The following CNTLN variants were observed in gnomAD, a reference collection of about 807,000 sequenced individuals.
The protein encoded by CNTLN is centlein, also known as centlein, centrosomal protein.
Under a neutral mutation model 180.0 loss-of-function variants are expected in CNTLN, and 212 were observed. That is an observed-to-expected ratio of 1.18 (90% CI 1.05 to 1.32). CNTLN has a LOEUF of 1.32. Among genes scored for constraint, CNTLN ranks in the 40% most tolerant of loss-of-function variants. The probability of loss-of-function intolerance (pLI) is 0.00; values close to 1 mark genes in which losing one functional copy is unlikely to be tolerated. For synonymous variants in CNTLN, 722 were observed against 563.1 expected, an observed-to-expected ratio of 1.28 and a Z score of -3.99; for missense variants, 2,095 against 1,610.9, an observed-to-expected ratio of 1.30 and a Z score of -5.14.
chr9:17,271,597 T>G (rs1827950205), intron 5 of CNTLN, among the ~76,000 whole-genome samples: 1 of 152,204 alleles, frequency 6.6e-6, no homozygotes, highest in African/African-American at 2.4e-5. Flanking sequence ...GGATTTCTGT[T>G]TTCAGCCTAT....
At chr9:17,462,614 C>G (rs543148410) in intron 19 of CNTLN, among the ~76,000 whole-genome samples, 1 of 151,662 alleles carries the variant, frequency 6.6e-6, no homozygotes, top group Admixed American at 6.6e-5. Flanking sequence ...CTTAATTATT[C>G]ACATATTTAC....
At chr9:17,396,568 T>A (rs1339847025) in intron 15 of CNTLN, among the ~76,000 whole-genome samples, 3 of 152,192 alleles carry the variant, frequency 2.0e-5, no homozygotes, top group African/African-American at 7.2e-5. Flanking sequence ...TGTTTTAGAT[T>A]TGGGATGCCT....
At position 17,415,845 on chromosome 9, in the gene CNTLN, A is replaced by T. The variant is rs747313809; in HGVS notation, c.2854A>T (p.Met952Leu). The T allele has an allele frequency of 8.7e-6, 14 of 1,612,970 alleles. No individual in the cohort carries two copies. The Admixed American group carries it at 2.0e-4, about 23-fold the overall frequency. ...KPTFQKKNCK[M>L]QKSSHTAVPT... Reference sequence around the variant, plus strand: ...AACTTTTCAAAAGAAGAATTGCAAGATGCAAAAGAGTTCACATACAGCAGT... The same window carrying T: ...AACTTTTCAAAAGAAGAATTGCAAGTTGCAAAAGAGTTCACATACAGCAGT... The change falls in exon 17 of 26, where the codon ATG becomes TTG. Residue 952 changes from methionine to leucine, a missense_variant. Coordinates refer to ENST00000380647, the MANE Select transcript of CNTLN (RefSeq NM_017738.4).
At chr9:17,449,867 C>T (rs1045990037) in intron 18 of CNTLN, among the ~76,000 whole-genome samples, 1 of 152,138 alleles carries the variant, frequency 6.6e-6, no homozygotes, top group East Asian at 1.9e-4. Flanking sequence ...ATTAAAAGTA[C>T]TTGTTAAATG....
intron 6 of CNTLN, among the ~76,000 whole-genome samples, chr9:17,277,078 T>G (rs1284865063): frequency 1.3e-5 from 1 of 75,630 alleles, no homozygotes; most frequent in Non-Finnish European, 2.8e-5. Flanking sequence ...ATGGAGCTAC[T>G]GTTTCTGTAT....
At chr9:17,250,918 T>C (rs7046327) in intron 5 of CNTLN, among the ~76,000 whole-genome samples, 31,232 of 152,036 alleles carry the variant, frequency 0.21, 4,081 homozygotes, top group African/African-American at 0.36. Flanking sequence ...GATTCCATTT[T>C]GCATTTCTTG....
chr9:17,496,427 C>T (rs2383030), intron 25 of CNTLN, among the ~76,000 whole-genome samples: 7,655 of 152,160 alleles, frequency 0.05, 478 homozygotes, highest in African/African-American at 0.15. Flanking sequence ...AGCAAGGGAG[C>T]GAGTAAGCTC....
At chr9:17,210,208 C>T (rs999804408) in intron 2 of CNTLN, among the ~76,000 whole-genome samples, 2 of 152,196 alleles carry the variant, frequency 1.3e-5, no homozygotes, top group Middle Eastern at 3.4e-3. Context: ...TGCTATTCCT[C>T]CCCGCTCCCC....
chr9:17,444,726 A>T (rs957508810), intron 18 of CNTLN, among the ~76,000 whole-genome samples: 1 of 152,166 alleles, frequency 6.6e-6, no homozygotes, highest in African/African-American at 2.4e-5. Context: ...TCAGGTATTT[A>T]TTTGACTTTA....
intron 2 of CNTLN, among the ~76,000 whole-genome samples, chr9:17,208,698 T>C (rs766746994): frequency 3.9e-5 from 6 of 152,138 alleles, no homozygotes; most frequent in Non-Finnish European, 7.4e-5. Context: ...TTTTGGTAGG[T>C]TGTATGTGTC....
At chr9:17,299,903 GT>G in intron 7 of CNTLN, 2 of 498,778 alleles carry the variant, frequency 4.0e-6, no homozygotes, top group Non-Finnish European at 5.2e-6. Flanking sequence ...TCTTCCTTCA[GT>G]TTTTAGCTGT....
Position 17,415,849 on chromosome 9 carries a change from A to C in CNTLN, c.2858A>C (p.Gln953Pro), listed in dbSNP as rs41268971. ...PTFQKKNCKM[Q>P]KSSHTAVPTR... ...TTTCAAAAGAAGAATTGCAAGATGC[A>C]AAAGAGTTCACATACAGCAGTTCCT... is the stretch of plus-strand genomic sequence containing the variant. The change falls in exon 17 of 26, where the codon CAA (glutamine) becomes CCA (proline). Residue 953 changes from glutamine to proline, a missense_variant. Coordinates refer to ENST00000380647, the MANE Select transcript of CNTLN (RefSeq NM_017738.4). The C allele has an allele frequency of 6.2e-7, 1 of 1,612,924 alleles. No individual in the cohort carries two copies. The highest frequency in any genetic ancestry group is 8.5e-7 in the Non-Finnish European group (1 of 1,179,392).
chr9:17,483,128 G>A (rs960858200), intron 23 of CNTLN, among the ~76,000 whole-genome samples: 1 of 151,950 alleles, frequency 6.6e-6, no homozygotes, highest in South Asian at 2.1e-4. Context: ...TATACAATAG[G>A]CAAATATAAT....
At chr9:17,236,339 T>C in intron 4 of CNTLN, 70 bp from the exon 5 acceptor site, 1 of 1,302,534 alleles carries the variant, frequency 7.7e-7, no homozygotes, top group Non-Finnish European at 1.0e-6. Context: ...TGCTGATTAG[T>C]GCTCACCATT....
intron 18 of CNTLN, among the ~76,000 whole-genome samples, chr9:17,445,204 A>G (rs1830333176): frequency 6.6e-6 from 1 of 152,188 alleles, no homozygotes; most frequent in African/African-American, 2.4e-5. Flanking sequence ...ATATTTATAA[A>G]TGATCAACAT....
chr9:17,416,152 C>G lies in CNTLN; in HGVS notation c.3077C>G (p.Ser1026Cys), dbSNP rs267602191. 138 of 1,613,188 alleles carry G rather than the reference C, an allele frequency of 8.6e-5. No individual in the cohort carries two copies. The highest frequency in any genetic ancestry group is 1.1e-4 in the Non-Finnish European group (133 of 1,179,670). ...NEKLLHQQQV[S>C]DQRFQTSRQT... ...AAGCTCCTCCATCAACAGCAAGTATCCGATCAACGATTTCAGACAAGCAGG... is the reference window on the plus strand; with the variant it reads ...AAGCTCCTCCATCAACAGCAAGTATGCGATCAACGATTTCAGACAAGCAGG... The change falls in exon 18 of 26, where the codon TCC becomes TGC. Residue 1026 changes from serine to cysteine, a missense_variant. Coordinates refer to ENST00000380647, the MANE Select transcript of CNTLN (RefSeq NM_017738.4).
At chr9:17,375,501 A>T (rs769591471) in intron 13 of CNTLN, among the ~76,000 whole-genome samples, 4 of 152,162 alleles carry the variant, frequency 2.6e-5, no homozygotes, top group African/African-American at 9.7e-5. Flanking sequence ...TACCCTGTAG[A>T]TACATCTACT....
chr9:17,382,768 A>G lies in CNTLN; in HGVS notation c.1988-5394A>G, dbSNP rs79943985. Among the ~76,000 whole-genome samples, 470 of 152,330 alleles carry G rather than the reference A, an allele frequency of 3.1e-3. 4 individuals are homozygous for G. Among genetic ancestry groups the G allele is most frequent in the African/African-American group, 0.011 (440 of 41,576 alleles). On this transcript the variant is annotated intron_variant, in intron 13 of 25. Coordinates refer to ENST00000380647, the MANE Select transcript of CNTLN (RefSeq NM_017738.4). ...CTTCCAGCCCTATTCTTGGTGTGTTAATATTTCTGATCTTATTCTCTTATT... is the reference window on the plus strand; with the variant it reads ...CTTCCAGCCCTATTCTTGGTGTGTTGATATTTCTGATCTTATTCTCTTATT...
intron 11 of CNTLN, among the ~76,000 whole-genome samples, 158 bp downstream of exon 11, chr9:17,341,106 A>G (rs1821447492): frequency 6.6e-6 from 1 of 152,234 alleles, no homozygotes; most frequent in African/African-American, 2.4e-5. Context: ...ACAAATTAAA[A>G]CAGAGGAATG....
Sources: allele counts gnomAD v4.1 joint callset (sites outside exome capture counted in the v4.1 genomes callset), GRCh38; gene constraint gnomAD v4.1.1; transcripts MANE v1.5; gene names NCBI Gene and HGNC (gene_info 2026-07-23, HGNC 2026-07-21).